Variants in ALG9 observed in about 807,000 individuals in gnomAD.
ALG9 encodes alpha-1,2-mannosyltransferase ALG9.
A neutral mutation model predicts 81.8 loss-of-function variants in ALG9; 55 were observed. The ratio of observed to expected loss-of-function variants is 0.67; its 90% confidence interval spans 0.54 to 0.84. The LOEUF is 0.84. Among genes scored for constraint, ALG9 ranks in the 40% least tolerant of loss-of-function variants. The probability of loss-of-function intolerance (pLI) is 0.00; values close to 1 mark genes in which losing one functional copy is unlikely to be tolerated. For missense variants in ALG9, 629 were observed against 745.0 expected (o/e 0.84, Z 1.81); for synonymous variants, 278 against 274.3 (o/e 1.01, Z -0.13).
At chr11:111,854,462 G>A (rs1433758309) in intron 6 of ALG9, among the ~76,000 whole-genome samples, 1 of 151,882 alleles carries the variant, frequency 6.6e-6, no homozygotes, top group South Asian at 2.1e-4. Flanking sequence ...GTAGAGACAG[G>A]GTTTCACCAT....
chr11:111,836,570 G>A (rs1955311076), intron 12 of ALG9: 2 of 406,728 alleles, frequency 4.9e-6, no homozygotes, highest in Admixed American at 7.3e-5. Flanking sequence ...CCAGAGAAGT[G>A]CCAATGCTTA....
At chr11:111,852,023 TC>T (rs2137033096) in intron 8 of ALG9, among the ~76,000 whole-genome samples, 1 of 152,334 alleles carries the variant, frequency 6.6e-6, no homozygotes, top group African/African-American at 2.4e-5. Flanking sequence ...TTCCCAAAAT[TC>T]CAGAAGACTC....
Position 111,786,507 on chromosome 11 carries a change from G to A in ALG9, c.1747C>T (p.Leu583=), listed in dbSNP as rs781819720. The A allele has an allele frequency of 1.9e-6, 3 of 1,613,892 alleles. No homozygotes were observed. The highest frequency in any genetic ancestry group is 2.5e-6 in the Non-Finnish European group (3 of 1,179,968). ...FLDASRSSKL[L]RAFYVPFLSD... ...AGGAAGGGGACATAGAATGCCCGCAGCAGCTTTGAAGATCTGAAAAACAAG... is the reference window on the plus strand; with the variant it reads ...AGGAAGGGGACATAGAATGCCCGCAACAGCTTTGAAGATCTGAAAAACAAG... The change falls in exon 15 of 15, where the codon CTG becomes TTG. Residue 583 remains leucine (L), a synonymous_variant. Transcript: ENST00000616540.
At chr11:111,863,838 T>C (rs1255029143) in intron 4 of ALG9, among the ~76,000 whole-genome samples, 1 of 152,208 alleles carries the variant, frequency 6.6e-6, no homozygotes, top group Admixed American at 6.5e-5. Flanking sequence ...CAAATCATGA[T>C]CCTGTATCTT....
intron 13 of ALG9, chr11:111,817,598 GC>G (rs1951693909): frequency 6.6e-6 from 1 of 152,224 alleles, no homozygotes; most frequent in South Asian, 2.1e-4. Flanking sequence ...GACAACAGGT[GC>G]ACACCACCAC....
At chr11:111,856,069 G>A (rs930069091) in intron 6 of ALG9, among the ~76,000 whole-genome samples, 1 of 152,068 alleles carries the variant, frequency 6.6e-6, no homozygotes, top group Non-Finnish European at 1.5e-5. Flanking sequence ...ACGAGGTCAG[G>A]AGTTCGAGAC....
chr11:111,784,997 A>T lies in ALG9; in HGVS notation c.*1400T>A, dbSNP rs1946320424. 1 of 152,670 alleles carries T rather than the reference A, an allele frequency of 6.6e-6. No homozygotes were observed. Among genetic ancestry groups the T allele is most frequent in the Admixed American group, 6.5e-5 (1 of 15,290 alleles). The allele number at this position is 152,670 out of a possible 1,614,324, so 9.5% of individuals were successfully genotyped here. On this transcript the variant is annotated 3_prime_UTR_variant, in exon 15 of 15. Coordinates refer to ENST00000616540, the MANE Select transcript of ALG9 (RefSeq NM_024740.2). ...TGGAGGCTCCAAAGAACTCAAATAC[A>T]GACACAATTCTTCCTTAAAATAGAA...
intron 3 of ALG9, among the ~76,000 whole-genome samples, 158 bp from the exon 4 acceptor site, chr11:111,865,409 A>G (rs1288840578): frequency 3.3e-5 from 5 of 152,240 alleles, no homozygotes; most frequent in South Asian, 2.1e-4. Context: ...CCTTGACTCA[A>G]TATCAGTATA....
chr11:111,824,752 T>C (rs1952951964), intron 13 of ALG9, among the ~76,000 whole-genome samples: 1 of 152,214 alleles, frequency 6.6e-6, no homozygotes, highest in Admixed American at 6.5e-5. Context: ...TTCACAGTTA[T>C]TTTCATCACC....
intron 3 of ALG9, among the ~76,000 whole-genome samples, chr11:111,866,325 G>A (rs1419322858): frequency 6.6e-6 from 1 of 152,058 alleles, no homozygotes; most frequent in Non-Finnish European, 1.5e-5. Flanking sequence ...GGGCCTACTT[G>A]TGGGATCTCA....
At chr11:111,855,233 T>C (rs1958474918) in intron 6 of ALG9, among the ~76,000 whole-genome samples, 1 of 152,238 alleles carries the variant, frequency 6.6e-6, no homozygotes, top group African/African-American at 2.4e-5. Flanking sequence ...TTTGTTGTTT[T>C]TTAAAAACCC....
intron 13 of ALG9, among the ~76,000 whole-genome samples, chr11:111,823,180 C>A (rs1324638154): frequency 2.0e-5 from 3 of 152,176 alleles, no homozygotes; most frequent in Non-Finnish European, 2.9e-5. Flanking sequence ...TTAACCTAGG[C>A]TCAGAGATTT....
intron 11 of ALG9, 81 bp from the exon 12 acceptor site, chr11:111,837,696 C>A (rs1955549597): frequency 6.8e-7 from 1 of 1,473,258 alleles, no homozygotes; most frequent in Admixed American, 1.8e-5. Context: ...ATTAATGTCG[C>A]ACTGTAAGCC....
At chr11:111,850,783 C>G (rs1445788305) in intron 8 of ALG9, among the ~76,000 whole-genome samples, 4 of 150,058 alleles carry the variant, frequency 2.7e-5, no homozygotes, top group African/African-American at 9.9e-5. Context: ...CACACAAATC[C>G]TGCCATCAAG....
chr11:111,858,731 G>A (rs1555145495), intron 5 of ALG9, among the ~76,000 whole-genome samples: 1 of 152,132 alleles, frequency 6.6e-6, no homozygotes, highest in African/African-American at 2.4e-5. Flanking sequence ...TGAATCAGTA[G>A]GGAAGAAAAA....
At chr11:111,787,547 C>G (rs1229389271) in intron 14 of ALG9, among the ~76,000 whole-genome samples, 4 of 151,958 alleles carry the variant, frequency 2.6e-5, no homozygotes, top group Non-Finnish European at 5.9e-5. Context: ...AGCTCTGCCT[C>G]CCGGGTTCAC....
At chr11:111,871,227 A>C (rs1325706906) in intron 1 of ALG9, 125 bp downstream of exon 1, 1 of 1,313,296 alleles carries the variant, frequency 7.6e-7, no homozygotes, top group Non-Finnish European at 9.6e-7. Flanking sequence ...CTGAAGAGGG[A>C]GCTCGGGCCT....
chr11:111,784,105 T>C lies in ALG9; in HGVS notation c.*2292A>G, dbSNP rs1251166581. ...TTATTACTGCAAGTAAGGCAAATGTTTCACTTAAAATTCTCTGTCCTGTAG... is the reference window on the plus strand; with the variant it reads ...TTATTACTGCAAGTAAGGCAAATGTCTCACTTAAAATTCTCTGTCCTGTAG... On this transcript the variant is annotated 3_prime_UTR_variant, in exon 15 of 15. Coordinates refer to ENST00000616540, the MANE Select transcript of ALG9 (RefSeq NM_024740.2). 3 of 152,224 alleles carry C rather than the reference T, an allele frequency of 2.0e-5. No homozygotes were observed. 9.4% of individuals were successfully genotyped at this position (152,224 alleles called of 1,614,324 possible). A position where few individuals can be genotyped will look rare whatever the true frequency, so the allele number is the denominator to read the frequency against.
chr11:111,844,744 A>T (rs782435063), intron 8 of ALG9, 21 bp from the exon 9 acceptor site: 54 of 1,612,406 alleles, frequency 3.3e-5, no homozygotes, highest in Non-Finnish European at 4.1e-5. Flanking sequence ...CATAAAGGTA[A>T]GAAATCATTA....
Sources: allele counts gnomAD v4.1 joint callset (sites outside exome capture counted in the v4.1 genomes callset), GRCh38; gene constraint gnomAD v4.1.1; transcripts MANE v1.5; gene names NCBI Gene and HGNC (gene_info 2026-07-23, HGNC 2026-07-21).